The following CPNE4 variants were observed in gnomAD, a reference collection of about 807,000 sequenced individuals.
CPNE4 encodes copine-4.
Under a neutral mutation model 67.9 loss-of-function variants are expected in CPNE4, and 25 were observed. The observed-to-expected ratio is 0.37, with a 90% CI of 0.27 to 0.51. The LOEUF is 0.51. CPNE4 is among the 20% of genes least tolerant of loss of function. The pLI, the probability that CPNE4 is intolerant of heterozygous loss-of-function variation, is 0.93. For missense variants in CPNE4, 464 were observed against 690.8 expected (o/e 0.67, Z 3.68); for synonymous variants, 242 against 244.9 (o/e 0.99, Z 0.11).
At chr3:131,917,494 C>T (rs1380974296) in intron 1 of CPNE4, among the ~76,000 whole-genome samples, 3 of 152,016 alleles carry the variant, frequency 2.0e-5, no homozygotes, top group African/African-American at 7.2e-5. Flanking sequence ...CCACTACAGA[C>T]ATGGAAGGAG....
At chr3:131,702,408 T>C (rs1260595362) in intron 3 of CPNE4, among the ~76,000 whole-genome samples, 3 of 152,216 alleles carry the variant, frequency 2.0e-5, no homozygotes, top group South Asian at 2.1e-4. Context: ...CTGCACGTTT[T>C]TTCCAGCAAG....
rs368311458 is a variant in CPNE4, at chr3:131,808,947, T to C, written c.181-85322A>G. Among the ~76,000 whole-genome samples, 543 of 152,250 alleles carry C rather than the reference T, an allele frequency of 3.6e-3. 5 individuals carry two copies. Among genetic ancestry groups the C allele is most frequent in the Non-Finnish European group, 5.0e-3 (340 of 68,006 alleles). ...CAAAAGCATCAGAATGGACGGAACA[T>C]GTATCTTTGGTAAAAGTAGCCTGTG... On this transcript the variant is annotated intron_variant, in intron 2 of 15. Coordinates refer to ENST00000429747, the MANE Select transcript of CPNE4 (RefSeq NM_130808.3).
chr3:131,870,118 AAC>A (rs557285531), intron 2 of CPNE4, among the ~76,000 whole-genome samples: 33 of 152,286 alleles, frequency 2.2e-4, no homozygotes, highest in African/African-American at 7.7e-4. Flanking sequence ...ACCTCAGAAG[AAC>A]ACACAGCATG....
intron 2 of CPNE4, among the ~76,000 whole-genome samples, chr3:131,743,466 A>G (rs988239715): frequency 6.6e-6 from 1 of 152,234 alleles, no homozygotes; most frequent in African/African-American, 2.4e-5. Context: ...AAGTAGAAAA[A>G]TAGAAAAGTA....
At chr3:131,586,037 TA>T (rs371193647) in intron 8 of CPNE4, among the ~76,000 whole-genome samples, 1 of 151,826 alleles carries the variant, frequency 6.6e-6, no homozygotes, top group African/African-American at 2.4e-5. Flanking sequence ...TTTCTGACTC[TA>T]AAAAAATGTT....
chr3:132,008,183 AATG>A (rs1399983999), intron 1 of CPNE4, among the ~76,000 whole-genome samples: 9 of 152,158 alleles, frequency 5.9e-5, no homozygotes, highest in Non-Finnish European at 1.3e-4. Context: ...ATGAGGATTG[AATG>A]AAGGTATACA....
chr3:131,957,873 G>A (rs1409667401), intron 1 of CPNE4, among the ~76,000 whole-genome samples: 1 of 152,236 alleles, frequency 6.6e-6, no homozygotes, highest in Non-Finnish European at 1.5e-5. Context: ...CGCAAAGCCA[G>A]AGGTTTGGAA....
At chr3:131,546,340 A>C (rs558895666) in intron 14 of CPNE4, among the ~76,000 whole-genome samples, 170 of 152,278 alleles carry the variant, frequency 1.1e-3, no homozygotes, top group African/African-American at 4.0e-3. Flanking sequence ...TCATGGATGA[A>C]ATATTATAGT....
rs765257586 is a variant in CPNE4, at chr3:131,542,541, A to G, written c.1539+16T>C. On this transcript the variant is annotated intron_variant, in intron 15 of 15. Transcript: ENST00000429747. ...CTGCTCTTCCATGAAAAGTGCCCCA[A>G]TGTGTATATGCATACGTGTTTGAAG... The G allele has an allele frequency of 1.1e-5, 18 of 1,566,942 alleles. No individual in the cohort carries two copies. In the Admixed American group the frequency reaches 1.2e-4, roughly 10 times the overall value.
intron 2 of CPNE4, among the ~76,000 whole-genome samples, chr3:131,779,321 A>C (rs2083374138): frequency 6.6e-6 from 1 of 152,156 alleles, no homozygotes; most frequent in Non-Finnish European, 1.5e-5. Context: ...TCACAGAATT[A>C]GATTTAAAAA....
chr3:131,890,550 A>G (rs2088074557), intron 2 of CPNE4, among the ~76,000 whole-genome samples: 1 of 152,074 alleles, frequency 6.6e-6, no homozygotes, highest in Admixed American at 6.6e-5. Context: ...TCCTCAAAAA[A>G]TTAAAAAGAA....
At chr3:131,801,381 A>G (rs1350636335) in intron 2 of CPNE4, among the ~76,000 whole-genome samples, 3 of 99,972 alleles carry the variant, frequency 3.0e-5, no homozygotes, top group Admixed American at 1.2e-4. Context: ...CCATATATAT[A>G]TATATGGTAC....
intron 2 of CPNE4, among the ~76,000 whole-genome samples, chr3:131,860,241 A>C (rs935260647): frequency 6.6e-6 from 1 of 152,330 alleles, no homozygotes; most frequent in Non-Finnish European, 1.5e-5. Context: ...TAAAAAGCTA[A>C]TCCGCCAGAG....
upstream of CPNE4, among the ~76,000 whole-genome samples, chr3:132,039,074 C>T (rs535311235): frequency 3.5e-4 from 54 of 152,272 alleles, no homozygotes; most frequent in African/African-American, 1.3e-3. Flanking sequence ...AAATGCTAAA[C>T]AGTCATAAGT....
intron 1 of CPNE4, among the ~76,000 whole-genome samples, chr3:131,925,169 C>T (rs547046728): frequency 1.3e-4 from 19 of 150,970 alleles, no homozygotes; most frequent in African/African-American, 4.4e-4. Flanking sequence ...CTCTCTCTCT[C>T]TCTCTCTCTC....
intron 9 of CPNE4, among the ~76,000 whole-genome samples, chr3:131,579,288 C>G (rs1937637550): frequency 6.6e-6 from 1 of 152,160 alleles, no homozygotes; most frequent in Non-Finnish European, 1.5e-5. Flanking sequence ...TATTTTGAGT[C>G]TACTCAGAAA....
At chr3:131,562,938 G>A (rs911967754) in intron 11 of CPNE4, among the ~76,000 whole-genome samples, 3 of 152,076 alleles carry the variant, frequency 2.0e-5, no homozygotes, top group Non-Finnish European at 4.4e-5. Flanking sequence ...GGGCCTGAGT[G>A]TTTAAAGCTC....
At chr3:131,640,025 A>G (rs2079499646) in intron 7 of CPNE4, among the ~76,000 whole-genome samples, 1 of 152,210 alleles carries the variant, frequency 6.6e-6, no homozygotes, top group Non-Finnish European at 1.5e-5. Flanking sequence ...AATAAAAGCC[A>G]TCTATGACAA....
At chr3:131,618,982 C>T (rs765397874) in intron 7 of CPNE4, among the ~76,000 whole-genome samples, 1 of 152,128 alleles carries the variant, frequency 6.6e-6, no homozygotes, top group Non-Finnish European at 1.5e-5. Flanking sequence ...AACAGTGTGG[C>T]AGGTGAACAG....
Sources: allele counts gnomAD v4.1 joint callset (sites outside exome capture counted in the v4.1 genomes callset), GRCh38; gene constraint gnomAD v4.1.1; transcripts MANE v1.5; gene names NCBI Gene and HGNC (gene_info 2026-07-23, HGNC 2026-07-21).